The following SOX10 variants were observed in gnomAD, a reference collection of about 807,000 sequenced individuals.
SOX10 encodes SRY-box transcription factor 10, also known as transcription factor SOX-10.
Under a neutral mutation model 35.0 loss-of-function variants are expected in SOX10, and 3 were observed. That is an observed-to-expected ratio of 0.09 (90% CI 0.04 to 0.22). The LOEUF (loss-of-function observed/expected upper bound fraction) is 0.22. Among genes scored for constraint, SOX10 ranks in the 10% least tolerant of loss-of-function variants. The probability of loss-of-function intolerance (pLI) is 1.00; values close to 1 mark genes in which losing one functional copy is unlikely to be tolerated. For missense variants in SOX10, 436 were observed against 655.1 expected (o/e 0.67, Z 3.65); for synonymous variants, 285 against 291.0 (o/e 0.98, Z 0.21).
rs1314268743 is a variant in SOX10, at chr22:37,983,340, G to A, written c.428+17C>T. The A allele has an allele frequency of 9.4e-6, 15 of 1,599,418 alleles. No individual in the cohort carries two copies. The Admixed American group carries it at 2.2e-4, about 24-fold the overall frequency. On this transcript the variant is annotated intron_variant, in intron 2 of 3. Transcript: ENST00000396884. The surrounding 1 kb of genome is among the most constrained non-coding windows in gnomAD (Gnocchi z 9.5). The stretch of plus-strand genomic sequence containing the variant: ...GAAGCTAGAGGGCCCGAGCCCGGGG[G>A]GCGGTCGGGTGCTCACCTCCAGAGC...
chr22:37,982,899 T>C (rs2145776177), intron 2 of SOX10, among the ~76,000 whole-genome samples: 1 of 152,336 alleles, frequency 6.6e-6, no homozygotes, highest in African/African-American at 2.4e-5. Context: ...AATTCCGTTT[T>C]CTTTAAACCT....
chr22:37,973,669 T>C lies in SOX10; in HGVS notation c.1227A>G (p.Gly409=). 6.2e-7 allele frequency: 1 copy of C among 1,612,798 alleles called. No individual in the cohort carries two copies. Among genetic ancestry groups the C allele is most frequent in the South Asian group, 1.1e-5 (1 of 91,048 alleles). ...QFDYSDHQPS[G]PYYGHSGQAS... Reference sequence around the variant, plus strand: ...CCTGGCCCGAGTGGCCATAATAGGGTCCTGAGGGCTGATGGTCAGAGTAGT... The same window carrying C: ...CCTGGCCCGAGTGGCCATAATAGGGCCCTGAGGGCTGATGGTCAGAGTAGT... Residue 409 remains glycine (G), a synonymous_variant, in exon 4 of 4, where the codon GGA becomes GGG. Transcript: ENST00000396884.
At chr22:37,975,025 C>T (rs575911736) in intron 3 of SOX10, among the ~76,000 whole-genome samples, 1 of 152,316 alleles carries the variant, frequency 6.6e-6, no homozygotes, top group African/African-American at 2.4e-5. Context: ...CCCTTAGCCC[C>T]GTCATACGCT....
chr22:37,978,162 A>G lies in SOX10; in HGVS notation c.429-27T>C. 1 of 1,519,534 alleles carries G rather than the reference A, an allele frequency of 6.6e-7. No individual in the cohort carries two copies. The highest frequency in any genetic ancestry group is 8.8e-7 in the Non-Finnish European group (1 of 1,134,356). The allele number at this position is 1,519,534 out of a possible 1,614,324, so 94.1% of individuals were successfully genotyped here. A position where few individuals can be genotyped will look rare whatever the true frequency, so the allele number is the denominator to read the frequency against. ...TGGGGTGTGGTGGGAGGCGGAGAGGACAGCAGAGGGGCTGGCGTGAATGCC... is the reference window on the plus strand; with the variant it reads ...TGGGGTGTGGTGGGAGGCGGAGAGGGCAGCAGAGGGGCTGGCGTGAATGCC... On this transcript the variant is annotated intron_variant, in intron 2 of 3. Coordinates refer to ENST00000396884, the MANE Select transcript of SOX10 (RefSeq NM_006941.4). This position sits in a 1 kb window ranked among gnomAD's most constrained non-coding sequence, Gnocchi z 5.0.
Position 37,983,723 on chromosome 22 carries a change from C to T in SOX10, c.62G>A (p.Arg21His), listed in dbSNP as rs1458159398. ...ELSPVGSEEP[R>H]CLSPGSAPSL... The stretch of plus-strand genomic sequence containing the variant: ...GGGCGCGCTCCCCGGGGACAGGCAG[C>T]GGGGCTCCTCCGAGCCCACGGGGCT... The change falls in exon 2 of 4, where the codon CGC becomes CAC. Residue 21 changes from arginine to histidine, a missense_variant. Arg to His is a conservative substitution (Grantham distance 29, BLOSUM62 0). This residue lies in a region of SOX10 where 97 missense variants were observed against 95.5 expected (regional missense o/e 1.02). Transcript: ENST00000396884. This position sits in a 1 kb window ranked among gnomAD's most constrained non-coding sequence, Gnocchi z 9.5. The T allele has an allele frequency of 1.3e-6, 2 of 1,490,620 alleles. No individual in the cohort carries two copies. The highest frequency in any genetic ancestry group is 1.8e-6 in the Non-Finnish European group (2 of 1,128,562). 92.3% of individuals were successfully genotyped at this position (1,490,620 alleles called of 1,614,324 possible).
rs1161833735 is a variant in SOX10 at position 37,983,724 on chromosome 22, G to C, written c.61C>G (p.Arg21Gly). 3.4e-6 allele frequency: 5 copies of C among 1,491,392 alleles called. No individual in the cohort carries two copies. Among genetic ancestry groups the C allele is most frequent in the Non-Finnish European group, 4.4e-6 (5 of 1,128,984 alleles). 92.4% of individuals were successfully genotyped at this position (1,491,392 alleles called of 1,614,324 possible). A position where few individuals can be genotyped will look rare whatever the true frequency, so the allele number is the denominator to read the frequency against. ...GGCGCGCTCCCCGGGGACAGGCAGC[G>C]GGGCTCCTCCGAGCCCACGGGGCTC... Reference protein sequence around the residue: ...ELSPVGSEEPRCLSPGSAPSL... With the variant: ...ELSPVGSEEPGCLSPGSAPSL... Residue 21 changes from arginine to glycine, a missense_variant, in exon 2 of 4, where the codon CGC becomes GGC. Transcript: ENST00000396884. The surrounding 1 kb of genome is among the most constrained non-coding windows in gnomAD (Gnocchi z 9.5).
intron 2 of SOX10, among the ~76,000 whole-genome samples, chr22:37,982,702 T>TG (rs1491577712): frequency 6.6e-6 from 1 of 151,924 alleles, no homozygotes; most frequent in Non-Finnish European, 1.5e-5. Context: ...TTGGTGACTC[T>TG]GGGGCAGGGC....
chr22:37,975,870 C>T (rs539263151), intron 3 of SOX10, among the ~76,000 whole-genome samples: 10 of 152,122 alleles, frequency 6.6e-5, no homozygotes, highest in Admixed American at 1.3e-4. Flanking sequence ...ATGGGATAGA[C>T]GGCCATGCCA....
At position 37,981,000 on chromosome 22, in the gene SOX10, A is replaced by C. The variant is rs550117879; in HGVS notation, c.428+2357T>G. Among the ~76,000 whole-genome samples the C allele has an allele frequency of 6.6e-6, 1 of 152,130 alleles. No homozygotes were observed. The highest frequency in any genetic ancestry group is 2.4e-5 in the African/African-American group (1 of 41,420). ...TTTCCAGGCAGATCAGCCAACCCAC[A>C]GGCACCACCCTGTGATCAGCCTCAA... On this transcript the variant is annotated intron_variant, in intron 2 of 3. Transcript: ENST00000396884. The surrounding 1 kb of genome is among the most constrained non-coding windows in gnomAD (Gnocchi z 4.1).
Position 37,983,209 on chromosome 22 carries a change from C to T in SOX10, c.428+148G>A. 3.2e-6 allele frequency: 3 copies of T among 950,362 alleles called. No homozygotes were observed. Among genetic ancestry groups the T allele is most frequent in the Non-Finnish European group, 4.8e-6 (3 of 620,824 alleles). The allele number at this position is 950,362 out of a possible 1,614,324, so 58.9% of individuals were successfully genotyped here. On this transcript the variant is annotated intron_variant, in intron 2 of 3. Coordinates refer to ENST00000396884, the MANE Select transcript of SOX10 (RefSeq NM_006941.4). The surrounding 1 kb of genome is among the most constrained non-coding windows in gnomAD (Gnocchi z 9.5). ...AGGGTCCTTGTGATGGAAGGGCGGG[C>T]GCGGCCCCCACACCTGGTCTTCCAG...
At chr22:37,975,651 G>C (rs1054683008) in intron 3 of SOX10, among the ~76,000 whole-genome samples, 2 of 152,208 alleles carry the variant, frequency 1.3e-5, no homozygotes, top group Non-Finnish European at 2.9e-5. Context: ...GCCAAGTCCT[G>C]CATTGGCCAA....
chr22:37,977,317 C>CT lies in SOX10; in HGVS notation c.697+549dup, dbSNP rs370748083. ...TCTCACTCCATGACCTCCACAGAGT[C>CT]TTTTTTTTTTTCTTTCTCTTTGAGA... On this transcript the variant is annotated intron_variant, in intron 3 of 3. Transcript: ENST00000396884. 5.6e-3 allele frequency among the ~76,000 whole-genome samples: 814 copies of CT among 145,078 alleles called. 3 individuals carry two copies. Among genetic ancestry groups the CT allele is most frequent in the Non-Finnish European group, 7.7e-3 (508 of 65,604 alleles).
chr22:37,974,071 G>T lies in SOX10; in HGVS notation c.825C>A (p.Asn275Lys). 1 of 1,614,012 alleles carries T rather than the reference G, an allele frequency of 6.2e-7. No homozygotes were observed. Among genetic ancestry groups the T allele is most frequent in the Non-Finnish European group, 8.5e-7 (1 of 1,180,036 alleles). ...CGTGGCTGATCTCACCAATGTCCAC[G>T]TTGCCGAAGTCGATGTGAGGCTTCC... ...EGGKPHIDFG[N>K]VDIGEISHEV... Residue 275 changes from asparagine to lysine, a missense_variant, in exon 4 of 4, where the codon AAC becomes AAA. Transcript: ENST00000396884. This position sits in a 1 kb window ranked among gnomAD's most constrained non-coding sequence, Gnocchi z 5.4.
In SOX10 at chr22:37,980,198, T is replaced by G. The variant is rs918664474; in HGVS notation, c.429-2063A>C. Among the ~76,000 whole-genome samples the G allele has an allele frequency of 1.3e-5, 2 of 152,068 alleles. No homozygotes were observed. The highest frequency in any genetic ancestry group is 4.8e-5 in the African/African-American group (2 of 41,410). On this transcript the variant is annotated intron_variant, in intron 2 of 3. Coordinates refer to ENST00000396884, the MANE Select transcript of SOX10 (RefSeq NM_006941.4). This position sits in a 1 kb window ranked among gnomAD's most constrained non-coding sequence, Gnocchi z 4.1. ...GGGAGTGGGATGTGGGCACCCTCTC[T>G]GACGGCTGGGACCAGGGGAGGGGGT...
chr22:37,972,913 G>A lies in SOX10; in HGVS notation c.*582C>T, dbSNP rs1932101795. 2 of 154,052 alleles carry A rather than the reference G, an allele frequency of 1.3e-5. No individual in the cohort carries two copies. The highest frequency in any genetic ancestry group is 2.0e-4 in the South Asian group (1 of 4,942). The allele number at this position is 154,052 out of a possible 1,614,324, so 9.5% of individuals were successfully genotyped here. On this transcript the variant is annotated 3_prime_UTR_variant, in exon 4 of 4. Coordinates refer to ENST00000396884, the MANE Select transcript of SOX10 (RefSeq NM_006941.4). ...CTCCTTCCTGCCTTCAGAAAGGGAG[G>A]GGGCATTGAAGGGATGAGAACTCCA...
At position 37,972,463 on chromosome 22, in the gene SOX10, G is replaced by T. The variant is rs1932089047; in HGVS notation, c.*1032C>A. 2.9e-6 allele frequency: 1 copy of T among 346,140 alleles called. No individual in the cohort carries two copies. The allele number at this position is 346,140 out of a possible 1,614,324, so 21.4% of individuals were successfully genotyped here. A position where few individuals can be genotyped will look rare whatever the true frequency, so the allele number is the denominator to read the frequency against. ...GGGGCTGCAGAACAGGAAAATAGGG[G>T]CAGATATAGCTACATACTTTATTCA... On this transcript the variant is annotated 3_prime_UTR_variant, in exon 4 of 4. Transcript: ENST00000396884.
At chr22:37,981,128 G>A (rs1478263987) in intron 2 of SOX10, among the ~76,000 whole-genome samples, 1 of 152,138 alleles carries the variant, frequency 6.6e-6, no homozygotes, top group Non-Finnish European at 1.5e-5. Context: ...CACTCCCTTG[G>A]GGCACTCCAC....
At chr22:37,981,215 C>G (rs552795658) in intron 2 of SOX10, among the ~76,000 whole-genome samples, 2 of 152,250 alleles carry the variant, frequency 1.3e-5, no homozygotes, top group African/African-American at 2.4e-5. Flanking sequence ...CACCCCACTT[C>G]TTGACATCCC....
chr22:37,983,813 TCGGCCGCCTCCCCCGGGC>T lies in SOX10; in HGVS notation c.-47_-30del. The T allele has an allele frequency of 7.1e-7, 1 of 1,404,988 alleles. No individual in the cohort carries two copies. The highest frequency in any genetic ancestry group is 1.3e-5 in the South Asian group (1 of 74,346). The allele number at this position is 1,404,988 out of a possible 1,614,324, so 87.0% of individuals were successfully genotyped here. ...GCCCCCGGCCGCCGCCGCCGCCGCC[TCGGCCGCCTCCCCCGGGC>T]CAGCCGCCGGGGTCCTCGCAAAGAG... On this transcript the variant is annotated 5_prime_UTR_variant, in exon 2 of 4. Transcript: ENST00000396884. This position sits in a 1 kb window ranked among gnomAD's most constrained non-coding sequence, Gnocchi z 9.5.
Sources: gnomAD v4.1 joint callset for allele counts (sites outside exome capture counted in the v4.1 genomes callset) on GRCh38, gnomAD v4.1.1 for gene constraint, gnomAD v4.1.1 regional missense constraint, Gnocchi (gnomAD v3.1) non-coding constraint, MANE v1.5 for transcripts, NCBI Gene and HGNC (gene_info 2026-07-23, HGNC 2026-07-21) for gene names.